IQSEC3: variants seen among roughly 807,000 people sequenced by gnomAD.
The protein encoded by IQSEC3 is IQ motif and Sec7 domain ArfGEF 3, also known as IQ motif and SEC7 domain-containing protein 3.
Under a neutral mutation model 105.4 loss-of-function variants are expected in IQSEC3, and 50 were observed. The observed-to-expected ratio is 0.47, with a 90% CI of 0.38 to 0.60. The LOEUF is 0.60. IQSEC3 is among the 20% of genes least tolerant of loss of function. The pLI, the probability that IQSEC3 is intolerant of heterozygous loss-of-function variation, is 0.00. For synonymous variants in IQSEC3, 708 were observed against 746.0 expected, an observed-to-expected ratio of 0.95 and a Z score of 0.83; for missense variants, 1,415 against 1,630.0, an observed-to-expected ratio of 0.87 and a Z score of 2.27.
chr12:99,259 T>TA (rs1864343081), intron 2 of IQSEC3, 45 bp downstream of exon 2: 1 of 1,556,198 alleles, frequency 6.4e-7, no homozygotes, highest in Non-Finnish European at 8.7e-7. Flanking sequence ...CCACCTTCCT[T>TA]CCTGTTACAA....
chr12:82,814 C>G (rs1863790057), intron 1 of IQSEC3, among the ~76,000 whole-genome samples: 1 of 152,184 alleles, frequency 6.6e-6, no homozygotes, highest in Non-Finnish European at 1.5e-5. Context: ...AGGCAGTGCT[C>G]CTAGCCTCTA....
intron 3 of IQSEC3, among the ~76,000 whole-genome samples, chr12:135,641 G>A (rs1407655599): frequency 3.3e-5 from 5 of 152,152 alleles, no homozygotes; most frequent in African/African-American, 1.2e-4. Context: ...ACCCAGGGTG[G>A]GTCTGAGCTA....
At chr12:110,733 C>T (rs1163527166) in intron 2 of IQSEC3, among the ~76,000 whole-genome samples, 1 of 152,152 alleles carries the variant, frequency 6.6e-6, no homozygotes, top group Admixed American at 6.5e-5. Context: ...GATCTAGCTG[C>T]TCTGCTAAAC....
chr12:158,783 C>T (rs565600282), intron 7 of IQSEC3, among the ~76,000 whole-genome samples: 1 of 152,284 alleles, frequency 6.6e-6, no homozygotes, highest in Admixed American at 6.5e-5. Flanking sequence ...CTCAGCCTCC[C>T]AAGTAGCCGG....
At chr12:81,338 G>A (rs997713301) in intron 1 of IQSEC3, among the ~76,000 whole-genome samples, 8 of 152,198 alleles carry the variant, frequency 5.3e-5, no homozygotes, top group Admixed American at 3.9e-4. Flanking sequence ...TGAGCAGAGG[G>A]TGCTTAAAAG....
intron 3 of IQSEC3, among the ~76,000 whole-genome samples, chr12:126,163 C>T (rs1335012974): frequency 1.3e-5 from 2 of 152,198 alleles, no homozygotes; most frequent in African/African-American, 4.8e-5. Flanking sequence ...GGGCTCTGCT[C>T]CTCACACAGT....
At chr12:149,866 G>A (rs1448760403) in intron 5 of IQSEC3, among the ~76,000 whole-genome samples, 4 of 152,142 alleles carry the variant, frequency 2.6e-5, no homozygotes, top group South Asian at 2.1e-4. Flanking sequence ...CTGGGGAAGC[G>A]GCGAGAGAAG....
At chr12:117,687 C>T (rs573482235) in intron 2 of IQSEC3, among the ~76,000 whole-genome samples, 10 of 152,226 alleles carry the variant, frequency 6.6e-5, no homozygotes, top group Non-Finnish European at 1.3e-4. Context: ...CCCCCACCCA[C>T]ACCTTTAGGA....
At chr12:121,939 G>C (rs1284817264) in intron 2 of IQSEC3, among the ~76,000 whole-genome samples, 1 of 152,080 alleles carries the variant, frequency 6.6e-6, no homozygotes, top group South Asian at 2.1e-4. Flanking sequence ...TAGCAGAGCC[G>C]GGATTCTAAC....
At chr12:140,368 G>C (rs574550493) in intron 4 of IQSEC3, 18 of 152,330 alleles carry the variant, frequency 1.2e-4, no homozygotes, top group Non-Finnish European at 2.2e-4. Flanking sequence ...GTACTCGGCA[G>C]ACCTAGGGAA....
chr12:94,766 A>T (rs1404740020), intron 1 of IQSEC3, among the ~76,000 whole-genome samples: 1 of 152,246 alleles, frequency 6.6e-6, no homozygotes, highest in Non-Finnish European at 1.5e-5. Context: ...TCTGGGAAAC[A>T]GGGGCAGGAT....
At chr12:110,922 C>CT (rs1324928034) in intron 2 of IQSEC3, among the ~76,000 whole-genome samples, 1 of 152,094 alleles carries the variant, frequency 6.6e-6, no homozygotes, top group African/African-American at 2.4e-5. Context: ...TCTCAATGTC[C>CT]TTCTTACATT....
chr12:154,777 T>C (rs1476661599), intron 5 of IQSEC3, among the ~76,000 whole-genome samples: 2 of 152,164 alleles, frequency 1.3e-5, no homozygotes, highest in African/African-American at 4.8e-5. Context: ...TTCCTCCCTG[T>C]CTCTGTTTTT....
chr12:97,158 G>C (rs142197020), intron 1 of IQSEC3, among the ~76,000 whole-genome samples: 2 of 152,174 alleles, frequency 1.3e-5, no homozygotes, highest in African/African-American at 4.8e-5. Context: ...TAGGGTTCTC[G>C]TTCTGTCAAC....
intron 13 of IQSEC3, among the ~76,000 whole-genome samples, chr12:173,148 T>G (rs1369591672): frequency 6.6e-6 from 1 of 151,918 alleles, no homozygotes; most frequent in Non-Finnish European, 1.5e-5. Context: ...TCTGCCTGAG[T>G]GAGGGTCCTG....
At chr12:137,543 C>A (rs1420105498) in intron 3 of IQSEC3, 1 of 150,824 alleles carries the variant, frequency 6.6e-6, no homozygotes, top group Admixed American at 6.6e-5. Flanking sequence ...AACTCTTCCA[C>A]ATTTTTTGAC....
intron 4 of IQSEC3, chr12:140,467 G>C (rs557917400): frequency 6.6e-6 from 1 of 152,176 alleles, no homozygotes; most frequent in Non-Finnish European, 1.5e-5. Context: ...TCTGCCCCAA[G>C]ACAGGAATTC....
Position 75,753 on chromosome 12 carries a change from C to T in IQSEC3, c.554+8317C>T, listed in dbSNP as rs1863494041. Among the ~76,000 whole-genome samples, 5 of 152,376 alleles carry T rather than the reference C, an allele frequency of 3.3e-5. No individual in the cohort carries two copies. In the South Asian group the frequency reaches 1.0e-3, roughly 32 times the overall value. ...AAACTCTCCGTCTGTAGGGCCCAGG[C>T]AGGCTCATGGATTGTTGAGTGGAGG... On this transcript the variant is annotated intron_variant, in intron 1 of 13. Transcript: ENST00000538872.
intron 5 of IQSEC3, among the ~76,000 whole-genome samples, chr12:156,583 G>A (rs905814956): frequency 5.9e-5 from 9 of 152,136 alleles, no homozygotes; most frequent in African/African-American, 1.9e-4. Flanking sequence ...GGGATCCAAC[G>A]GAGGACTCAG....
Sources: gnomAD v4.1 joint callset for allele counts (sites outside exome capture counted in the v4.1 genomes callset) on GRCh38, gnomAD v4.1.1 for gene constraint, MANE v1.5 for transcripts, NCBI Gene and HGNC (gene_info 2026-07-23, HGNC 2026-07-21) for gene names.